Variants in PFKP observed in about 807,000 individuals in gnomAD.
The protein encoded by PFKP is phosphofructokinase, platelet.
In PFKP, 101 loss-of-function variants were observed where a neutral mutation model predicts 94.3. The observed-to-expected ratio is 1.07, with a 90% CI of 0.91 to 1.26. The LOEUF is 1.26. PFKP is among the 50% of genes most tolerant of loss of function. PFKP has a pLI of 0.00. For synonymous variants in PFKP, 573 were observed against 432.6 expected, an observed-to-expected ratio of 1.32 and a Z score of -4.03; for missense variants, 1,145 against 1,103.3, an observed-to-expected ratio of 1.04 and a Z score of -0.53.
intron 4 of PFKP, among the ~76,000 whole-genome samples, chr10:3,102,678 C>T (rs754948468): frequency 3.9e-5 from 6 of 152,216 alleles, no homozygotes; most frequent in Non-Finnish European, 7.3e-5. Flanking sequence ...GTCATCCACC[C>T]GCTTCGGCCT....
chr10:3,120,575 G>A (rs1170171790), intron 16 of PFKP, among the ~76,000 whole-genome samples: 2 of 152,130 alleles, frequency 1.3e-5, no homozygotes, highest in African/African-American at 4.8e-5. Context: ...TTTGTAAACT[G>A]GGGATGTTAA....
chr10:3,136,382 C>A, intron 21 of PFKP, 68 bp from the exon 22 acceptor site: 1 of 1,564,414 alleles, frequency 6.4e-7, no homozygotes, highest in Non-Finnish European at 8.8e-7. Context: ...GCTCGCTGTG[C>A]TGGCCAGGCG....
chr10:3,071,993 G>A (rs1832232140), intron 1 of PFKP, among the ~76,000 whole-genome samples: 1 of 152,198 alleles, frequency 6.6e-6, no homozygotes, highest in African/African-American at 2.4e-5. Context: ...GGATGTTCAG[G>A]GCTGCGCGTA....
intron 5 of PFKP, among the ~76,000 whole-genome samples, chr10:3,104,386 C>T (rs1564304631): frequency 6.6e-6 from 1 of 152,190 alleles, no homozygotes; most frequent in Non-Finnish European, 1.5e-5. Flanking sequence ...CAGGTTATCA[C>T]TAAAGACTGT....
At chr10:3,106,021 G>C (rs967458679) in intron 7 of PFKP, among the ~76,000 whole-genome samples, 3 of 152,222 alleles carry the variant, frequency 2.0e-5, no homozygotes, top group African/African-American at 7.2e-5. Context: ...TGCAGCTGCA[G>C]CTGCCAGAAA....
chr10:3,133,699 G>GGGA (rs1290885325), intron 19 of PFKP, among the ~76,000 whole-genome samples: 2 of 149,854 alleles, frequency 1.3e-5, no homozygotes, highest in African/African-American at 5.0e-5. Context: ...CCAAAGTGGT[G>GGGA]GGAATACAGG....
chr10:3,119,962 T>C lies in PFKP; in HGVS notation c.1601T>C (p.Met534Thr), dbSNP rs374372091. ...KHEEFCVPMV[M>T]VPATVSNNVP... is the part of the protein sequence containing the mutation. ...GAGGAGTTCTGTGTCCCCATGGTCA[T>C]GGTTCCCGCTACTGTGTCCAACAAT... The change falls in exon 16 of 22, where the codon ATG becomes ACG. Residue 534 changes from methionine (M) to threonine (T), a missense_variant. By Grantham distance (81) the Met-to-Thr change is moderately conservative (BLOSUM62 -1). Coordinates refer to ENST00000381125, the MANE Select transcript of PFKP (RefSeq NM_002627.5). 1.4e-4 allele frequency: 219 copies of C among 1,614,010 alleles called. No individual in the cohort carries two copies. Among genetic ancestry groups the C allele is most frequent in the Non-Finnish European group, 1.8e-4 (209 of 1,180,002 alleles).
At chr10:3,126,240 G>T (rs957112486) in intron 16 of PFKP, among the ~76,000 whole-genome samples, 17 of 152,224 alleles carry the variant, frequency 1.1e-4, no homozygotes, top group African/African-American at 4.1e-4. Context: ...CTTCCTGTGA[G>T]TCCGAGCCTC....
chr10:3,107,818 C>T (rs1024243062), intron 8 of PFKP: 2 of 1,230,324 alleles, frequency 1.6e-6, no homozygotes, highest in Non-Finnish European at 2.1e-6. Context: ...GGCTTCGTGC[C>T]CTGGGACTTG....
chr10:3,125,076 C>T (rs536056856), intron 16 of PFKP: 67 of 1,230,508 alleles, frequency 5.4e-5, no homozygotes, highest in South Asian at 2.4e-4. Flanking sequence ...CCCCGCTAAC[C>T]GCTTGGCCCT....
At chr10:3,132,104 A>T (rs1443189073) in intron 17 of PFKP, among the ~76,000 whole-genome samples, 1 of 152,062 alleles carries the variant, frequency 6.6e-6, no homozygotes, top group African/African-American at 2.4e-5. Flanking sequence ...CAAAGCACGG[A>T]ATTACCATTT....
chr10:3,110,909 CAT>C (rs1387643219), intron 10 of PFKP, among the ~76,000 whole-genome samples: 2 of 149,204 alleles, frequency 1.3e-5, no homozygotes, highest in East Asian at 3.9e-4. Flanking sequence ...TGTGTGCATG[CAT>C]GTTTGTACGT....
At chr10:3,082,154 C>T (rs1222348546) in intron 1 of PFKP, among the ~76,000 whole-genome samples, 1 of 152,008 alleles carries the variant, frequency 6.6e-6, no homozygotes, top group East Asian at 1.9e-4. Context: ...CGTACCAAGT[C>T]CAGGCAGTGA....
intron 3 of PFKP, among the ~76,000 whole-genome samples, chr10:3,100,479 CTG>C (rs1310335652): frequency 2.0e-5 from 3 of 152,168 alleles, no homozygotes; most frequent in Non-Finnish European, 4.4e-5. Context: ...TAGTGAGTCT[CTG>C]TGTGTGAAAA....
chr10:3,136,449 G>A lies in PFKP; in HGVS notation c.2226-1G>A. 6.2e-7 allele frequency: 1 copy of A among 1,613,482 alleles called. No individual in the cohort carries two copies. Among genetic ancestry groups the A allele is most frequent in the Non-Finnish European group, 8.5e-7 (1 of 1,179,604 alleles). On this transcript the variant is annotated splice_acceptor_variant, in intron 21 of 21. Coordinates refer to ENST00000381125, the MANE Select transcript of PFKP (RefSeq NM_002627.5). LOFTEE classifies it high-confidence loss of function. ...ACTGCTGTCTCCTCTTACCTCCACAGGCACAGGATTCCCAAAGAACAGTGG... is the reference window on the plus strand; with the variant it reads ...ACTGCTGTCTCCTCTTACCTCCACAAGCACAGGATTCCCAAAGAACAGTGG...
intron 17 of PFKP, among the ~76,000 whole-genome samples, chr10:3,131,265 C>G (rs1838553696): frequency 1.3e-5 from 2 of 152,134 alleles, no homozygotes; most frequent in South Asian, 2.1e-4. Context: ...GCAGCAGGCT[C>G]TGCCTCCTGG....
Position 3,103,538 on chromosome 10 carries a change from A to T in PFKP, c.455-241A>T, listed in dbSNP as rs186566223. On this transcript the variant is annotated intron_variant, in intron 4 of 21. Coordinates refer to ENST00000381125, the MANE Select transcript of PFKP (RefSeq NM_002627.5). ...TAGCTTCTCAGGAGACTGAGGCAGA[A>T]GGATCGCCTGAGCCCAGGAGTTCAA... Among the ~76,000 whole-genome samples, 155 of 152,344 alleles carry T rather than the reference A, an allele frequency of 1.0e-3. 1 individual carries two copies. Among genetic ancestry groups the T allele is most frequent in the African/African-American group, 3.3e-3 (136 of 41,580 alleles).
rs757633268 is a variant in PFKP, at chr10:3,082,418, G to A, written c.143G>A (p.Arg48His). Residue 48 changes from arginine to histidine, a missense_variant, in exon 2 of 22, where the codon CGC (arginine) becomes CAC (histidine). This residue lies in a region of PFKP where 1,119 missense variants were observed against 1,062.8 expected (regional missense o/e 1.05). Coordinates refer to ENST00000381125, the MANE Select transcript of PFKP (RefSeq NM_002627.5). Reference sequence around the variant, plus strand: ...AACGCTGCCGTCCGTGCCGTGGTGCGCATGGGTATCTACGTGGGGGCCAAG... The same window carrying A: ...AACGCTGCCGTCCGTGCCGTGGTGCACATGGGTATCTACGTGGGGGCCAAG... ...GMNAAVRAVVRMGIYVGAKVY... is the reference protein window; with the variant it reads ...GMNAAVRAVVHMGIYVGAKVY... 2.4e-5 allele frequency: 39 copies of A among 1,606,650 alleles called. No individual in the cohort carries two copies. The highest frequency in any genetic ancestry group is 3.1e-5 in the Non-Finnish European group (37 of 1,175,322).
chr10:3,126,569 G>A (rs1049502737), intron 16 of PFKP, among the ~76,000 whole-genome samples: 4 of 152,168 alleles, frequency 2.6e-5, no homozygotes, highest in Non-Finnish European at 5.9e-5. Context: ...CCCACCCCCT[G>A]TCCCGTCTGG....
Sources: allele counts gnomAD v4.1 joint callset (sites outside exome capture counted in the v4.1 genomes callset), GRCh38; gene constraint gnomAD v4.1.1; regional missense constraint gnomAD v4.1.1; transcripts MANE v1.5; gene names NCBI Gene and HGNC (gene_info 2026-07-23, HGNC 2026-07-21).